PTH1R: variants seen among roughly 807,000 people sequenced by gnomAD.
PTH1R encodes parathyroid hormone/parathyroid hormone-related peptide receptor.
In PTH1R, 32 loss-of-function variants were observed where a neutral mutation model predicts 70.7. That is an observed-to-expected ratio of 0.45 (90% CI 0.34 to 0.61). The LOEUF (loss-of-function observed/expected upper bound fraction) is 0.61. Among genes scored for constraint, PTH1R ranks in the 20% least tolerant of loss-of-function variants. The pLI, the probability that PTH1R is intolerant of heterozygous loss-of-function variation, is 0.01. For missense variants in PTH1R, 626 were observed against 792.5 expected, an observed-to-expected ratio of 0.79 and a Z score of 2.52; for synonymous variants, 329 against 324.8, an observed-to-expected ratio of 1.01 and a Z score of -0.14.
Position 46,901,077 on chromosome 3 carries a change from C to G in PTH1R, c.1041C>G (p.Ala347=). ...AVWVSVRATL[A]NTGCWDLSSG... Reference sequence around the variant, plus strand: ...GGGTCAGTGTCAGAGCTACCCTGGCCAACACCGGGTAGGTCCAGGTGGAGA... The same window carrying G: ...GGGTCAGTGTCAGAGCTACCCTGGCGAACACCGGGTAGGTCCAGGTGGAGA... The change falls in exon 11 of 16, where the codon GCC becomes GCG. Residue 347 remains alanine, a synonymous_variant. Coordinates refer to ENST00000449590, the MANE Select transcript of PTH1R (RefSeq NM_000316.3). The surrounding 1 kb of genome is among the most constrained non-coding windows in gnomAD (Gnocchi z 7.3). 6.3e-7 allele frequency: 1 copy of G among 1,578,352 alleles called. No homozygotes were observed. Among genetic ancestry groups the G allele is most frequent in the South Asian group, 1.2e-5 (1 of 86,218 alleles).
At chr3:46,894,136 G>A in intron 4 of PTH1R, 127 bp downstream of exon 4, 1 of 961,894 alleles carries the variant, frequency 1.0e-6, no homozygotes, top group Non-Finnish European at 1.6e-6. Flanking sequence ...AAGGGGGCCA[G>A]GCCAAAGTGA....
In PTH1R at chr3:46,902,508, C is replaced by T. The variant is rs200401411; in HGVS notation, c.1212-18C>T. 824 of 1,608,572 alleles carry T rather than the reference C, an allele frequency of 5.1e-4. 6 individuals carry two copies. The South Asian group carries it at 6.8e-3, about 13-fold the overall frequency. ...GGGGAAGTGGCTTGGCCCTGACCTA[C>T]CTGCCCCGCTGGCCCAGGAAGCTGC... is the stretch of plus-strand genomic sequence containing the variant. On this transcript the variant is annotated intron_variant, in intron 13 of 15. Transcript: ENST00000449590. The surrounding 1 kb of genome is among the most constrained non-coding windows in gnomAD (Gnocchi z 5.4).
chr3:46,901,357 G>A lies in PTH1R; in HGVS notation c.1050-57G>A, dbSNP rs2032101893. On this transcript the variant is annotated intron_variant, in intron 11 of 15. Transcript: ENST00000449590. The surrounding 1 kb of genome is among the most constrained non-coding windows in gnomAD (Gnocchi z 7.3). ...GACCAGACCAAATCTGGGTCTCTGT[G>A]GGCAGTCTTAGGATGGGAACAGGAG... is the stretch of plus-strand genomic sequence containing the variant. The A allele has an allele frequency of 3.2e-6, 5 of 1,544,666 alleles. No individual in the cohort carries two copies. The Admixed American group carries it at 9.8e-5, about 30-fold the overall frequency.
rs1228826554 is a variant in PTH1R, at chr3:46,893,529, C to T, written c.76-378C>T. 6.6e-6 allele frequency among the ~76,000 whole-genome samples: 1 copy of T among 152,116 alleles called. No homozygotes were observed. Among genetic ancestry groups the T allele is most frequent in the African/African-American group, 2.4e-5 (1 of 41,430 alleles). On this transcript the variant is annotated intron_variant, in intron 3 of 15. Coordinates refer to ENST00000449590, the MANE Select transcript of PTH1R (RefSeq NM_000316.3). This position sits in a 1 kb window ranked among gnomAD's most constrained non-coding sequence, Gnocchi z 5.2. The stretch of plus-strand genomic sequence containing the variant: ...CTCCTTATCCACCCCCTGCCCCCGA[C>T]TCATGTCCCCAGCAGGCAGCCAGGA...
rs1336628514 is a variant in PTH1R, at chr3:46,893,219, T to C, written c.76-688T>C. On this transcript the variant is annotated intron_variant, in intron 3 of 15. Transcript: ENST00000449590. The surrounding 1 kb of genome is among the most constrained non-coding windows in gnomAD (Gnocchi z 5.2). ...CTGAGTGTCATCAGAACTCCGAGTC[T>C]GGATGGAGGGAGCTCCCAGATAAGC... Among the ~76,000 whole-genome samples, 1 of 151,844 alleles carries C rather than the reference T, an allele frequency of 6.6e-6. No individual in the cohort carries two copies. Among genetic ancestry groups the C allele is most frequent in the Non-Finnish European group, 1.5e-5 (1 of 67,944 alleles).
chr3:46,892,978 TGG>T lies in PTH1R; in HGVS notation c.76-927_76-926del, dbSNP rs2031522572. ...TGCGGGTCACATTCACGGGAATGGC[TGG>T]GCTAGGCACACCAGGCTGCTCCCAA... On this transcript the variant is annotated intron_variant, in intron 3 of 15. Coordinates refer to ENST00000449590, the MANE Select transcript of PTH1R (RefSeq NM_000316.3). This position sits in a 1 kb window ranked among gnomAD's most constrained non-coding sequence, Gnocchi z 5.2. Among the ~76,000 whole-genome samples the T allele has an allele frequency of 6.6e-6, 1 of 152,196 alleles. No individual in the cohort carries two copies. Among genetic ancestry groups the T allele is most frequent in the East Asian group, 1.9e-4 (1 of 5,198 alleles).
At chr3:46,881,920 G>A (rs894479963) in intron 2 of PTH1R, among the ~76,000 whole-genome samples, 1 of 152,148 alleles carries the variant, frequency 6.6e-6, no homozygotes, top group Non-Finnish European at 1.5e-5. Flanking sequence ...CTCGGCTCAG[G>A]GTCTCTATTC....
chr3:46,883,628 C>G lies in PTH1R; in HGVS notation c.69C>G (p.Tyr23Ter). 1.3e-6 allele frequency: 2 copies of G among 1,545,408 alleles called. No homozygotes were observed. Among genetic ancestry groups the G allele is most frequent in the Admixed American group, 2.0e-5 (1 of 51,010 alleles). The change falls in exon 3 of 16, where the codon TAC becomes TAG. Residue 23 changes from tyrosine (Y) to a stop codon, truncating the protein, a stop_gained. Transcript: ENST00000449590. LOFTEE classifies it high-confidence loss of function. The surrounding 1 kb of genome is among the most constrained non-coding windows in gnomAD (Gnocchi z 6.4). ...LLCCPVLSSA[Y>*]ALVDADDVMT... ...GCTGCCCCGTGCTCAGCTCCGCGTA[C>G]GCGCTGGTGAGTCCCCCGCCGCCAA... is the stretch of plus-strand genomic sequence containing the variant.
rs758712466 is a variant in PTH1R at position 46,898,425 on chromosome 3, G to A, written c.591G>A (p.Val197=). 4 of 1,613,830 alleles carry A rather than the reference G, an allele frequency of 2.5e-6. No individual in the cohort carries two copies. The highest frequency in any genetic ancestry group is 2.2e-5 in the East Asian group (1 of 44,860). Residue 197 remains valine, a synonymous_variant, in exon 8 of 16, where the codon GTG becomes GTA. Transcript: ENST00000449590. ...TGATTTACACCGTGGGCTACTCCGTGTCCCTGGCGTCCCTCACCGTAGCTG... is the reference window on the plus strand; with the variant it reads ...TGATTTACACCGTGGGCTACTCCGTATCCCTGGCGTCCCTCACCGTAGCTG... ...LGMIYTVGYS[V]SLASLTVAVL...
chr3:46,900,654 C>T (rs542845009), intron 10 of PTH1R, among the ~76,000 whole-genome samples: 10 of 152,162 alleles, frequency 6.6e-5, no homozygotes, highest in East Asian at 1.9e-4. Context: ...AAAAAAAATG[C>T]GGAAAATAGG....
rs1332863552 is a variant in PTH1R at position 46,891,331 on chromosome 3, G to A, written c.76-2576G>A. Among the ~76,000 whole-genome samples the A allele has an allele frequency of 3.3e-5, 5 of 152,242 alleles. No individual in the cohort carries two copies. Among genetic ancestry groups the A allele is most frequent in the Non-Finnish European group, 7.3e-5 (5 of 68,040 alleles). ...CCAATTCCTTGAGCCAGTGAGGGGT[G>A]TGTTGGTCAGCTTTCGGTGGTCAGG... On this transcript the variant is annotated intron_variant, in intron 3 of 15. Coordinates refer to ENST00000449590, the MANE Select transcript of PTH1R (RefSeq NM_000316.3). This position sits in a 1 kb window ranked among gnomAD's most constrained non-coding sequence, Gnocchi z 4.3.
chr3:46,898,675 A>G lies in PTH1R; in HGVS notation c.652A>G (p.Thr218Ala). The change falls in exon 9 of 16, where the codon ACG (threonine) becomes GCG (alanine). Residue 218 changes from threonine (T) to alanine (A), a missense_variant. By Grantham distance (58) the Thr-to-Ala change is moderately conservative (BLOSUM62 0). Transcript: ENST00000449590. The part of the protein sequence containing the change: ...ILAYFRRLHC[T>A]RNYIHMHLFL... ...CGCGCCCCGCAGGCGGCTGCACTGCACGCGCAACTACATCCACATGCACCT... is the reference window on the plus strand; with the variant it reads ...CGCGCCCCGCAGGCGGCTGCACTGCGCGCGCAACTACATCCACATGCACCT... 6.2e-7 allele frequency: 1 copy of G among 1,612,286 alleles called. No individual in the cohort carries two copies. Among genetic ancestry groups the G allele is most frequent in the South Asian group, 1.1e-5 (1 of 91,074 alleles).
In PTH1R at chr3:46,896,503, C is replaced by T. The variant is rs1032300393; in HGVS notation, c.313+634C>T. On this transcript the variant is annotated intron_variant, in intron 5 of 15. Coordinates refer to ENST00000449590, the MANE Select transcript of PTH1R (RefSeq NM_000316.3). The surrounding 1 kb of genome is among the most constrained non-coding windows in gnomAD (Gnocchi z 4.1). Reference sequence around the variant, plus strand: ...GGCCACAGGGCCGGTTTCAGCCGGCCGGGTGGGCAGCAGATTCCAGATGGG... The same window carrying T: ...GGCCACAGGGCCGGTTTCAGCCGGCTGGGTGGGCAGCAGATTCCAGATGGG... Among the ~76,000 whole-genome samples, 5 of 152,184 alleles carry T rather than the reference C, an allele frequency of 3.3e-5. No homozygotes were observed. Among genetic ancestry groups the T allele is most frequent in the African/African-American group, 7.2e-5 (3 of 41,442 alleles).
In PTH1R at chr3:46,901,636, AAG is replaced by A; in HGVS notation, c.1117-129_1117-128del. On this transcript the variant is annotated intron_variant, in intron 12 of 15. Coordinates refer to ENST00000449590, the MANE Select transcript of PTH1R (RefSeq NM_000316.3). The surrounding 1 kb of genome is among the most constrained non-coding windows in gnomAD (Gnocchi z 7.3). ...CAGCTGATCCACACTCCAGCCCAGA[AAG>A]GAAAACCAAGGGCTCAAGGAGCCAC... The A allele has an allele frequency of 3.0e-6, 4 of 1,350,490 alleles. No individual in the cohort carries two copies. Among genetic ancestry groups the A allele is most frequent in the Non-Finnish European group, 4.2e-6 (4 of 960,798 alleles). The allele number at this position is 1,350,490 out of a possible 1,614,324, so 83.7% of individuals were successfully genotyped here.
In PTH1R at chr3:46,902,693, C is replaced by T. The variant is rs751605909; in HGVS notation, c.1353+26C>T. Reference sequence around the variant, plus strand: ...GTGCGCAGTGCTGGCCCGGGCCTGGCTGAGGGTGGGAGGGGTTCCGGGGGC... The same window carrying T: ...GTGCGCAGTGCTGGCCCGGGCCTGGTTGAGGGTGGGAGGGGTTCCGGGGGC... On this transcript the variant is annotated intron_variant, in intron 14 of 15. Transcript: ENST00000449590. The surrounding 1 kb of genome is among the most constrained non-coding windows in gnomAD (Gnocchi z 5.4). The T allele has an allele frequency of 5.6e-6, 9 of 1,613,968 alleles. No homozygotes were observed. The Admixed American group carries it at 1.5e-4, about 27-fold the overall frequency.
Position 46,894,011 on chromosome 3 carries a change from T to TG in PTH1R, c.178+7dup, listed in dbSNP as rs1231080528. 9 of 1,611,908 alleles carry TG rather than the reference T, an allele frequency of 5.6e-6. No individual in the cohort carries two copies. The Admixed American group carries it at 1.0e-4, about 18-fold the overall frequency. On this transcript the variant is annotated splice_region_variant and intron_variant, in intron 4 of 15. Transcript: ENST00000449590. ...TCAAGGAGGTCCTGCAGAGGCCAGG[T>TG]GGGGGTCAAAGGAAGAGGGTCTGGG...
In PTH1R at chr3:46,902,701, G is replaced by T. The variant is rs1448531017; in HGVS notation, c.1353+34G>T. 3 of 1,614,114 alleles carry T rather than the reference G, an allele frequency of 1.9e-6. No homozygotes were observed. Among genetic ancestry groups the T allele is most frequent in the Non-Finnish European group, 2.5e-6 (3 of 1,180,024 alleles). ...TGCTGGCCCGGGCCTGGCTGAGGGT[G>T]GGAGGGGTTCCGGGGGCAGGCCTGA... On this transcript the variant is annotated intron_variant, in intron 14 of 15. Coordinates refer to ENST00000449590, the MANE Select transcript of PTH1R (RefSeq NM_000316.3). The surrounding 1 kb of genome is among the most constrained non-coding windows in gnomAD (Gnocchi z 5.4).
At chr3:46,900,438 C>T (rs781276785) in intron 10 of PTH1R, among the ~76,000 whole-genome samples, 1 of 152,096 alleles carries the variant, frequency 6.6e-6, no homozygotes, top group Non-Finnish European at 1.5e-5. Context: ...GGTATGTGGT[C>T]GGGGAGGACC....
At position 46,902,913 on chromosome 3, in the gene PTH1R, G is replaced by A; in HGVS notation, c.1395+123G>A. On this transcript the variant is annotated intron_variant, in intron 15 of 15. Coordinates refer to ENST00000449590, the MANE Select transcript of PTH1R (RefSeq NM_000316.3). The surrounding 1 kb of genome is among the most constrained non-coding windows in gnomAD (Gnocchi z 5.4). ...TTGTTCCTCCAAGAACACCCCTGAGGACATTCTGAAAGCAGAGAAGTCTTT... is the reference window on the plus strand; with the variant it reads ...TTGTTCCTCCAAGAACACCCCTGAGAACATTCTGAAAGCAGAGAAGTCTTT... 1 of 1,397,430 alleles carries A rather than the reference G, an allele frequency of 7.2e-7. No homozygotes were observed. Among genetic ancestry groups the A allele is most frequent in the Middle Eastern group, 1.8e-4 (1 of 5,696 alleles). 86.6% of individuals were successfully genotyped at this position (1,397,430 alleles called of 1,614,324 possible).
Sources: allele counts gnomAD v4.1 joint callset (sites outside exome capture counted in the v4.1 genomes callset), GRCh38; gene constraint gnomAD v4.1.1; non-coding constraint Gnocchi (gnomAD v3.1); transcripts MANE v1.5; gene names NCBI Gene and HGNC (gene_info 2026-07-23, HGNC 2026-07-21).